Variants in ANK2 observed in about 807,000 individuals in gnomAD.
ANK2 encodes the protein ankyrin-2.
ANK2 carries 83 observed loss-of-function variants against 360.5 expected under a neutral mutation model. The observed-to-expected ratio is 0.23, with a 90% CI of 0.19 to 0.28. The LOEUF (loss-of-function observed/expected upper bound fraction) is 0.28. Ranked by LOEUF, ANK2 falls within the 10% of genes least tolerant of loss-of-function variation. The probability of loss-of-function intolerance (pLI) is 1.00; values close to 1 mark genes in which losing one functional copy is unlikely to be tolerated. For missense variants in ANK2, 4,201 were observed against 4,795.7 expected, an observed-to-expected ratio of 0.88 and a Z score of 3.66; for synonymous variants, 1,740 against 1,759.5, an observed-to-expected ratio of 0.99 and a Z score of 0.28.
At chr4:113,032,413 C>G (rs1394857198) in intron 2 of ANK2, among the ~76,000 whole-genome samples, 2 of 151,976 alleles carry the variant, frequency 1.3e-5, no homozygotes, top group Non-Finnish European at 2.9e-5. Context: ...CCTCTGAGTC[C>G]TTTTCCAGTG....
At chr4:113,151,135 C>G in intron 1 of ANK2, 1 of 1,285,126 alleles carries the variant, frequency 7.8e-7, no homozygotes, top group Non-Finnish European at 1.0e-6. Flanking sequence ...GTGATGGAAG[C>G]AAAAAAACAC....
the ANK2 span, among the ~76,000 whole-genome samples, chr4:112,718,397 C>A: frequency 6.6e-6 from 1 of 152,228 alleles, no homozygotes; most frequent in African/African-American, 2.4e-5. Flanking sequence ...TCACTGCAAC[C>A]TCTGCCTCCC....
the ANK2 span, among the ~76,000 whole-genome samples, chr4:112,756,914 A>G: frequency 6.6e-6 from 1 of 151,990 alleles, no homozygotes; most frequent in Admixed American, 6.6e-5. Flanking sequence ...CAGAGGTTGC[A>G]GTGAGTTGAG....
intron 1 of ANK2, among the ~76,000 whole-genome samples, chr4:113,067,403 C>T (rs1480499127): frequency 6.6e-6 from 1 of 151,966 alleles, no homozygotes; most frequent in South Asian, 2.1e-4. Context: ...TAGCAACTGA[C>T]CTAGCTAATG....
chr4:113,291,045 T>A (rs1288273363), intron 20 of ANK2, among the ~76,000 whole-genome samples: 3 of 152,240 alleles, frequency 2.0e-5, no homozygotes, highest in African/African-American at 4.8e-5. Context: ...TGCTTTGGCA[T>A]TATTAATTTA....
intron 1 of ANK2, among the ~76,000 whole-genome samples, chr4:113,061,138 A>G (rs2073139448): frequency 1.3e-5 from 2 of 152,060 alleles, no homozygotes; most frequent in Non-Finnish European, 2.9e-5. Context: ...TTGGATGGGT[A>G]GGAGGTCTGT....
chr4:113,119,619 A>C (rs996113085), intron 1 of ANK2, among the ~76,000 whole-genome samples: 1 of 152,178 alleles, frequency 6.6e-6, no homozygotes, highest in Non-Finnish European at 1.5e-5. Flanking sequence ...CCACTTTATC[A>C]TCATAAGGGA....
chr4:113,152,454 G>A (rs1442587462), intron 1 of ANK2: 1 of 151,992 alleles, frequency 6.6e-6, no homozygotes, highest in Non-Finnish European at 1.5e-5. Context: ...AGATTGACTT[G>A]TTTCCTGAAT....
At chr4:113,342,632 G>A (rs1381189363) in intron 33 of ANK2, among the ~76,000 whole-genome samples, 9 of 151,938 alleles carry the variant, frequency 5.9e-5, no homozygotes, top group East Asian at 3.9e-4. Context: ...CCCGGGAGGC[G>A]GAGGTTGCAG....
chr4:112,957,859 G>T (rs2031264264), intron 2 of ANK2, among the ~76,000 whole-genome samples: 1 of 148,884 alleles, frequency 6.7e-6, no homozygotes, highest in Non-Finnish European at 1.5e-5. Flanking sequence ...CCAGGCAGAG[G>T]GTCTCCTCAC....
At chr4:112,840,559 A>C (rs1178280225) in intron 1 of ANK2, among the ~76,000 whole-genome samples, 2 of 152,154 alleles carry the variant, frequency 1.3e-5, no homozygotes, top group African/African-American at 2.4e-5. Context: ...GAGGGTCCAT[A>C]ATGTAGCCCC....
intron 2 of ANK2, among the ~76,000 whole-genome samples, chr4:113,037,972 G>C (rs2061971362): frequency 6.6e-6 from 1 of 151,994 alleles, no homozygotes; most frequent in Non-Finnish European, 1.5e-5. Flanking sequence ...TCCTAGTATA[G>C]AGTTTGAAGC....
At chr4:112,780,808 A>G in the ANK2 span, among the ~76,000 whole-genome samples, 2 of 152,148 alleles carry the variant, frequency 1.3e-5, no homozygotes, top group Non-Finnish European at 2.9e-5. Context: ...CATGAGGGAC[A>G]CTGCCCCCAT....
At chr4:113,335,066 C>T (rs1053223330) in intron 29 of ANK2, among the ~76,000 whole-genome samples, 7 of 152,076 alleles carry the variant, frequency 4.6e-5, no homozygotes, top group African/African-American at 1.4e-4. Flanking sequence ...GAACAACTTT[C>T]CATCACCTCT....
At chr4:112,947,401 G>A (rs779386806) in intron 2 of ANK2, among the ~76,000 whole-genome samples, 2 of 152,130 alleles carry the variant, frequency 1.3e-5, no homozygotes, top group Non-Finnish European at 2.9e-5. Flanking sequence ...TTGGAAAAGC[G>A]AAGCATGCAG....
At chr4:112,776,426 C>T in the ANK2 span, among the ~76,000 whole-genome samples, 1 of 152,108 alleles carries the variant, frequency 6.6e-6, no homozygotes, top group Non-Finnish European at 1.5e-5. Flanking sequence ...GAAGAGTGAG[C>T]TTGACAAGGT....
the ANK2 span, among the ~76,000 whole-genome samples, chr4:112,805,041 C>T: frequency 1.3e-5 from 2 of 152,104 alleles, no homozygotes; most frequent in Admixed American, 1.3e-4. Context: ...AACAGTTAAT[C>T]AGAACTTTAT....
intron 2 of ANK2, among the ~76,000 whole-genome samples, chr4:113,186,557 CGT>C (rs1402375112): frequency 0.019 from 1,833 of 95,948 alleles, 108 homozygotes; most frequent in African/African-American, 0.097. Flanking sequence ...GATATCTTCC[CGT>C]GTCTCTCTCT....
At chr4:113,293,146 C>G in intron 21 of ANK2, 2 of 503,576 alleles carry the variant, frequency 4.0e-6, no homozygotes, top group East Asian at 9.0e-5. Context: ...TTCTTAAGTG[C>G]AATACAGTAT....
Sources: gnomAD v4.1 joint callset for allele counts (sites outside exome capture counted in the v4.1 genomes callset) on GRCh38, gnomAD v4.1.1 for gene constraint, MANE v1.5 for transcripts, NCBI Gene and HGNC (gene_info 2026-07-23, HGNC 2026-07-21) for gene names.